ADAMTSL1: variants seen among roughly 807,000 people sequenced by gnomAD.
ADAMTSL1 encodes ADAMTS like 1.
Under a neutral mutation model 201.8 loss-of-function variants are expected in ADAMTSL1, and 126 were observed. That is an observed-to-expected ratio of 0.62 (90% confidence interval 0.54 to 0.72). The LOEUF (loss-of-function observed/expected upper bound fraction) is 0.72, where lower values mean the gene tolerates loss of function less well. Ranked by LOEUF, ADAMTSL1 falls within the 30% of genes least tolerant of loss-of-function variation. The pLI is 0.00. For synonymous variants in ADAMTSL1, 1,121 were observed against 903.4 expected, an observed-to-expected ratio of 1.24 and a Z score of -4.32; for missense variants, 2,679 against 2,277.8, an observed-to-expected ratio of 1.18 and a Z score of -3.59.
Position 18,646,730 on chromosome 9 carries a change from A to G in ADAMTSL1, c.834+7319A>G, listed in dbSNP as rs377728280. ...TATATTGAACCAGCCTTGCATCCCA[A>G]GGATGAAGCCCACTTGATCATGGTG... On this transcript the variant is annotated intron_variant, in intron 7 of 28. Transcript: ENST00000380548. Among the ~76,000 whole-genome samples, 7 of 152,314 alleles carry G rather than the reference A, an allele frequency of 4.6e-5. No homozygotes were observed. The East Asian group carries it at 7.7e-4, about 17-fold the overall frequency.
intron 15 of ADAMTSL1, among the ~76,000 whole-genome samples, chr9:18,742,455 T>C (rs1461328900): frequency 6.6e-6 from 1 of 152,236 alleles, no homozygotes; most frequent in Non-Finnish European, 1.5e-5. Flanking sequence ...TTGTGTCAGA[T>C]TAAATGCTAT....
chr9:18,681,802 C>G lies in ADAMTSL1; in HGVS notation c.1342-10C>G. 6.3e-7 allele frequency: 1 copy of G among 1,593,856 alleles called. No homozygotes were observed. Among genetic ancestry groups the G allele is most frequent in the Non-Finnish European group, 8.6e-7 (1 of 1,168,634 alleles). On this transcript the variant is annotated splice_polypyrimidine_tract_variant and intron_variant, in intron 11 of 28. Coordinates refer to ENST00000380548, the MANE Select transcript of ADAMTSL1 (RefSeq NM_001040272.6). ...CTACGAGTCTCCTCTCTCTTGCAAT[C>G]TCTTTCCAGTGCACAGTGACATGTG... is the stretch of plus-strand genomic sequence containing the variant.
At chr9:18,511,281 G>A (rs892660311) in intron 2 of ADAMTSL1, among the ~76,000 whole-genome samples, 6 of 151,598 alleles carry the variant, frequency 4.0e-5, no homozygotes, top group Non-Finnish European at 2.9e-5. Context: ...ATTGTATTAA[G>A]AGCATAAATT....
chr9:18,388,225 ACTT>A (rs1198976406), intron 2 of ADAMTSL1, among the ~76,000 whole-genome samples: 2 of 151,224 alleles, frequency 1.3e-5, no homozygotes, highest in Non-Finnish European at 3.0e-5. Context: ...AGTCTTTTAT[ACTT>A]CTTATTAATG....
At chr9:18,570,715 G>T (rs1822242600) in intron 3 of ADAMTSL1, among the ~76,000 whole-genome samples, 1 of 152,146 alleles carries the variant, frequency 6.6e-6, no homozygotes, top group Non-Finnish European at 1.5e-5. Context: ...CACTAAAAAG[G>T]TTCAAGTTCA....
intron 2 of ADAMTSL1, among the ~76,000 whole-genome samples, chr9:18,243,583 G>A (rs1364345827): frequency 6.6e-6 from 1 of 151,916 alleles, no homozygotes; most frequent in African/African-American, 2.4e-5. Context: ...ATAATCATAT[G>A]TTCATCCTGC....
chr9:18,459,774 A>T (rs988193464), intron 2 of ADAMTSL1, among the ~76,000 whole-genome samples: 1 of 152,170 alleles, frequency 6.6e-6, no homozygotes, highest in African/African-American at 2.4e-5. Context: ...GAGCTTATTA[A>T]CCCACATTGC....
At chr9:18,654,565 A>T (rs994779737) in intron 7 of ADAMTSL1, among the ~76,000 whole-genome samples, 2 of 152,236 alleles carry the variant, frequency 1.3e-5, no homozygotes, top group African/African-American at 4.8e-5. Context: ...TCAGAATGTG[A>T]AGGAGAAAGA....
chr9:18,651,213 A>G (rs984814565), intron 7 of ADAMTSL1: 2 of 152,246 alleles, frequency 1.3e-5, no homozygotes, highest in Non-Finnish European at 1.5e-5. Context: ...TCTGGCCATC[A>G]TCTGGATAAC....
At chr9:18,617,668 A>C (rs1825780310) in intron 4 of ADAMTSL1, among the ~76,000 whole-genome samples, 1 of 152,200 alleles carries the variant, frequency 6.6e-6, no homozygotes, top group Non-Finnish European at 1.5e-5. Context: ...GGGTACAAAA[A>C]GCATACATTT....
intron 1 of ADAMTSL1, among the ~76,000 whole-genome samples, chr9:18,089,793 T>G (rs1049841412): frequency 6.6e-6 from 1 of 152,198 alleles, no homozygotes; most frequent in African/African-American, 2.4e-5. Context: ...TAGAATATAC[T>G]TTCAGTCACG....
chr9:18,904,193 G>T (rs1830160613), intron 26 of ADAMTSL1, among the ~76,000 whole-genome samples: 1 of 152,078 alleles, frequency 6.6e-6, no homozygotes. Context: ...TTTTGGCCAG[G>T]CACGGTGGCT....
intron 20 of ADAMTSL1, among the ~76,000 whole-genome samples, chr9:18,809,766 G>C (rs1055280705): frequency 6.6e-6 from 1 of 152,030 alleles, no homozygotes; most frequent in African/African-American, 2.4e-5. Context: ...TCCAGCCTGG[G>C]CAACAAGAGC....
At chr9:18,079,110 G>T (rs1385414189) in intron 1 of ADAMTSL1, among the ~76,000 whole-genome samples, 1 of 152,126 alleles carries the variant, frequency 6.6e-6, no homozygotes, top group African/African-American at 2.4e-5. Context: ...AAGAGGGCAG[G>T]TATCCCCAGA....
intron 3 of ADAMTSL1, among the ~76,000 whole-genome samples, chr9:18,559,422 G>A (rs369181532): frequency 1.8e-4 from 28 of 152,258 alleles, no homozygotes; most frequent in African/African-American, 6.3e-4. Context: ...TTGTAATATA[G>A]TTTGAAGTCA....
chr9:18,233,464 A>T (rs1830719634), intron 2 of ADAMTSL1, among the ~76,000 whole-genome samples: 1 of 152,152 alleles, frequency 6.6e-6, no homozygotes, highest in Non-Finnish European at 1.5e-5. Flanking sequence ...TTTCACAAGA[A>T]TCAAAAGATA....
At chr9:18,066,378 C>T (rs1487055554) in intron 1 of ADAMTSL1, among the ~76,000 whole-genome samples, 1 of 152,036 alleles carries the variant, frequency 6.6e-6, no homozygotes, top group African/African-American at 2.4e-5. Context: ...TTATATAAGA[C>T]ATAGGAGGTA....
intron 1 of ADAMTSL1, among the ~76,000 whole-genome samples, chr9:17,979,527 T>G (rs1363385232): frequency 1.1e-4 from 1 of 8,910 alleles, no homozygotes; most frequent in Non-Finnish European, 6.3e-4. Flanking sequence ...CAGCCATGGA[T>G]TTTTTTTTTT....
chr9:18,295,585 G>A (rs779032742), intron 2 of ADAMTSL1, among the ~76,000 whole-genome samples: 4 of 152,104 alleles, frequency 2.6e-5, no homozygotes, highest in Non-Finnish European at 4.4e-5. Context: ...TGATCTGCCT[G>A]CGTCGGCCTC....
Sources: allele counts gnomAD v4.1 joint callset (sites outside exome capture counted in the v4.1 genomes callset), GRCh38; gene constraint gnomAD v4.1.1; transcripts MANE v1.5; gene names NCBI Gene and HGNC (gene_info 2026-07-23, HGNC 2026-07-21).